PAPSS1: variants seen among roughly 807,000 people sequenced by gnomAD.
PAPSS1 encodes the protein bifunctional 3'-phosphoadenosine 5'-phosphosulfate synthase 1.
A neutral mutation model predicts 72.0 loss-of-function variants in PAPSS1; 50 were observed. The ratio of observed to expected loss-of-function variants is 0.69; its 90% CI spans 0.55 to 0.88. The LOEUF is 0.88. Ranked by LOEUF, PAPSS1 falls within the 40% of genes least tolerant of loss-of-function variation. The pLI is 0.00. For synonymous variants in PAPSS1, 261 were observed against 263.6 expected, an observed-to-expected ratio of 0.99 and a Z score of 0.09; for missense variants, 657 against 782.2, an observed-to-expected ratio of 0.84 and a Z score of 1.91.
chr4:107,654,546 A>G (rs1027153374), intron 8 of PAPSS1, 149 bp downstream of exon 8: 4 of 706,242 alleles, frequency 5.7e-6, no homozygotes, highest in Non-Finnish European at 1.0e-5. Flanking sequence ...ACAAGAGCAT[A>G]AACACTCATC....
chr4:107,713,358 T>C (rs978450408), intron 1 of PAPSS1, among the ~76,000 whole-genome samples: 6 of 152,092 alleles, frequency 3.9e-5, no homozygotes, highest in Non-Finnish European at 4.4e-5. Flanking sequence ...TGACTACTAA[T>C]GGGTATAAGG....
intron 11 of PAPSS1, 117 bp from the exon 12 acceptor site, chr4:107,614,504 T>C (rs1725770268): frequency 2.9e-6 from 2 of 685,006 alleles, no homozygotes; most frequent in Non-Finnish European, 4.7e-6. Flanking sequence ...ATACTGAACA[T>C]AGTACTTGTG....
At position 107,631,621 on chromosome 4, in the gene PAPSS1, T is replaced by C; in HGVS notation, c.1736+10A>G. On this transcript the variant is annotated intron_variant, in intron 11 of 11. Transcript: ENST00000265174. Reference sequence around the variant, plus strand: ...ACTTCAAAGATTTGTACAGAGAATGTAAGACTTACTGTTCAGAGTCATAGT... The same window carrying C: ...ACTTCAAAGATTTGTACAGAGAATGCAAGACTTACTGTTCAGAGTCATAGT... The C allele has an allele frequency of 6.3e-7, 1 of 1,584,148 alleles. No individual in the cohort carries two copies. Among genetic ancestry groups the C allele is most frequent in the African/African-American group, 1.3e-5 (1 of 74,302 alleles).
At chr4:107,653,214 T>C (rs1193249480) in intron 9 of PAPSS1, among the ~76,000 whole-genome samples, 1 of 152,070 alleles carries the variant, frequency 6.6e-6, no homozygotes, top group Non-Finnish European at 1.5e-5. Flanking sequence ...TAATATTCTA[T>C]AGTTCCATTC....
intron 5 of PAPSS1, among the ~76,000 whole-genome samples, chr4:107,662,816 T>C (rs148065629): frequency 6.6e-6 from 1 of 152,296 alleles, no homozygotes; most frequent in Non-Finnish European, 1.5e-5. Context: ...CATCCATAGG[T>C]ACATTACACG....
intron 5 of PAPSS1, among the ~76,000 whole-genome samples, chr4:107,670,401 CAAAG>C (rs1727436829): frequency 6.6e-6 from 1 of 151,782 alleles, no homozygotes; most frequent in Non-Finnish European, 1.5e-5. Context: ...GCAATAGCAC[CAAAG>C]AAAGAAAGAA....
chr4:107,716,627 TC>T (rs1265434458), intron 1 of PAPSS1, among the ~76,000 whole-genome samples: 4 of 152,032 alleles, frequency 2.6e-5, no homozygotes, highest in Non-Finnish European at 5.9e-5. Context: ...AACTAACACA[TC>T]CCCAAGGGCA....
chr4:107,720,064 G>C (rs960323877), intron 1 of PAPSS1, 56 bp downstream of exon 1: 4 of 1,579,990 alleles, frequency 2.5e-6, no homozygotes, highest in Non-Finnish European at 3.4e-6. Flanking sequence ...GCTCCGGAAC[G>C]AGCTGCTCCC....
chr4:107,635,702 A>T (rs1726357657), intron 10 of PAPSS1, among the ~76,000 whole-genome samples: 3 of 152,332 alleles, frequency 2.0e-5, no homozygotes, highest in Admixed American at 2.0e-4. Context: ...ATAAATAAAT[A>T]AATAAATAAA....
Position 107,681,989 on chromosome 4 carries a change from T to C in PAPSS1, c.669+26A>G, listed in dbSNP as rs200748790. 13 of 1,137,348 alleles carry C rather than the reference T, an allele frequency of 1.1e-5. No homozygotes were observed. The South Asian group carries it at 1.7e-4, about 15-fold the overall frequency. 70.5% of individuals were successfully genotyped at this position (1,137,348 alleles called of 1,614,324 possible). ...TGAGAGAGATATAATTTTTCTCTGA[T>C]GATTCCTTCTTTCATCCTCTCTTAC... On this transcript the variant is annotated intron_variant, in intron 5 of 11. Coordinates refer to ENST00000265174, the MANE Select transcript of PAPSS1 (RefSeq NM_005443.5).
intron 1 of PAPSS1, 139 bp from the exon 2 acceptor site, chr4:107,701,424 G>C: frequency 1.8e-6 from 1 of 569,948 alleles, no homozygotes; most frequent in Non-Finnish European, 3.1e-6. Flanking sequence ...TTTTTCCTTA[G>C]AGTACTGGCA....
intron 11 of PAPSS1, among the ~76,000 whole-genome samples, chr4:107,623,465 C>T (rs1048464477): frequency 6.6e-6 from 1 of 152,158 alleles, no homozygotes; most frequent in Non-Finnish European, 1.5e-5. Flanking sequence ...TACTTAAGAA[C>T]CACAAAAAAC....
intron 1 of PAPSS1, among the ~76,000 whole-genome samples, chr4:107,710,796 T>G (rs376264483): frequency 6.6e-6 from 1 of 152,200 alleles, no homozygotes; most frequent in Non-Finnish European, 1.5e-5. Context: ...TCTGCAAAGA[T>G]GGACAGCTCT....
At chr4:107,630,759 G>T (rs1033907061) in intron 11 of PAPSS1, among the ~76,000 whole-genome samples, 2 of 152,122 alleles carry the variant, frequency 1.3e-5, no homozygotes, top group African/African-American at 4.8e-5. Context: ...CTGCTGAGCT[G>T]CCATTTACTA....
chr4:107,689,278 C>G (rs1459296693), intron 3 of PAPSS1, among the ~76,000 whole-genome samples: 1 of 152,174 alleles, frequency 6.6e-6, no homozygotes, highest in Non-Finnish European at 1.5e-5. Context: ...CATTCTCAGT[C>G]TTGCACTTGA....
At chr4:107,632,610 A>G (rs72673576) in intron 10 of PAPSS1, among the ~76,000 whole-genome samples, 1 of 152,104 alleles carries the variant, frequency 6.6e-6, no homozygotes, top group Admixed American at 6.5e-5. Context: ...TTATTAAAAA[A>G]CAAAAATTAG....
At chr4:107,660,407 A>G (rs1016781832) in intron 5 of PAPSS1, among the ~76,000 whole-genome samples, 4 of 152,196 alleles carry the variant, frequency 2.6e-5, no homozygotes, top group Non-Finnish European at 4.4e-5. Context: ...AACCACCTGA[A>G]CCATCATCCT....
intron 7 of PAPSS1, among the ~76,000 whole-genome samples, chr4:107,656,115 A>C (rs1726998906): frequency 6.6e-6 from 1 of 152,016 alleles, no homozygotes; most frequent in African/African-American, 2.4e-5. Context: ...TTTTTTATTT[A>C]TTTATTTGTT....
chr4:107,685,789 C>T (rs552591955), intron 4 of PAPSS1, among the ~76,000 whole-genome samples: 1 of 152,182 alleles, frequency 6.6e-6, no homozygotes, highest in Non-Finnish European at 1.5e-5. Flanking sequence ...AGAATAACTA[C>T]CATTTTCCTT....
Sources: gnomAD v4.1 joint callset for allele counts (sites outside exome capture counted in the v4.1 genomes callset) on GRCh38, gnomAD v4.1.1 for gene constraint, MANE v1.5 for transcripts, NCBI Gene and HGNC (gene_info 2026-07-23, HGNC 2026-07-21) for gene names.